The following WWOX variants were observed in gnomAD, a reference collection of about 807,000 sequenced individuals.
WWOX encodes the protein WW domain containing oxidoreductase, also known as WW domain-containing oxidoreductase.
A neutral mutation model predicts 46.2 loss-of-function variants in WWOX; 69 were observed. The ratio of observed to expected loss-of-function variants is 1.49; its 90% CI spans 1.23 to 1.82. The LOEUF is 1.82. Among genes scored for constraint, WWOX ranks in the 40% most tolerant of loss-of-function variants. WWOX has a pLI of 0.00. For synonymous variants in WWOX, 359 were observed against 202.6 expected (o/e 1.77, Z -6.56); for missense variants, 919 against 542.6 (o/e 1.69, Z -6.89).
intron 8 of WWOX, among the ~76,000 whole-genome samples, chr16:78,616,585 C>T (rs1190396389): frequency 6.6e-6 from 1 of 151,844 alleles, no homozygotes; most frequent in Non-Finnish European, 1.5e-5. Context: ...GCCTGGCTGA[C>T]ATGGTGAAAC....
chr16:78,812,498 G>A (rs2051215927), intron 8 of WWOX, among the ~76,000 whole-genome samples: 1 of 152,116 alleles, frequency 6.6e-6, no homozygotes, highest in African/African-American at 2.4e-5. Flanking sequence ...GAGGTGGACG[G>A]ATCACCTGAG....
Position 78,481,121 on chromosome 16 carries a change from A to G in WWOX, c.1056+48369A>G, listed in dbSNP as rs542749706. 1.2e-4 allele frequency among the ~76,000 whole-genome samples: 19 copies of G among 152,202 alleles called. 1 individual carries two copies. Among genetic ancestry groups the G allele is most frequent in the Non-Finnish European group, 2.4e-4 (16 of 68,028 alleles). On this transcript the variant is annotated intron_variant, in intron 8 of 8. Coordinates refer to ENST00000566780, the MANE Select transcript of WWOX (RefSeq NM_016373.4). Reference sequence around the variant, plus strand: ...TTGCATGCATTATTTTTAAAGATGAACATTGCTTTAACCTATACCATTCCT... The same window carrying G: ...TTGCATGCATTATTTTTAAAGATGAGCATTGCTTTAACCTATACCATTCCT...
chr16:79,102,979 C>T (rs542950383), intron 8 of WWOX, among the ~76,000 whole-genome samples: 4 of 149,778 alleles, frequency 2.7e-5, no homozygotes, highest in Non-Finnish European at 4.4e-5. Flanking sequence ...CCTCCTTTTC[C>T]TCCTCCTCTT....
intron 8 of WWOX, among the ~76,000 whole-genome samples, chr16:78,805,482 A>T (rs1342898562): frequency 1.3e-5 from 2 of 151,118 alleles, no homozygotes; most frequent in African/African-American, 4.9e-5. Flanking sequence ...TCAGGGTTTC[A>T]CAGTGTTATG....
intron 8 of WWOX, among the ~76,000 whole-genome samples, chr16:79,099,217 C>G (rs1028752321): frequency 1.3e-5 from 2 of 152,190 alleles, no homozygotes; most frequent in African/African-American, 2.4e-5. Flanking sequence ...ATGACCCAAA[C>G]ACCTCCCGGT....
intron 8 of WWOX, among the ~76,000 whole-genome samples, chr16:78,593,183 T>C (rs1281263215): frequency 6.6e-6 from 1 of 150,666 alleles, no homozygotes; most frequent in Non-Finnish European, 1.5e-5. Flanking sequence ...GTATCCTGAT[T>C]CTTTTGAGGA....
At chr16:78,868,368 G>T (rs1033864047) in intron 8 of WWOX, among the ~76,000 whole-genome samples, 1 of 152,040 alleles carries the variant, frequency 6.6e-6, no homozygotes, top group Non-Finnish European at 1.5e-5. Context: ...GTTGCCTGGG[G>T]CTGGGAGTGA....
chr16:79,040,325 A>G (rs962334833), intron 8 of WWOX, among the ~76,000 whole-genome samples: 14 of 140,186 alleles, frequency 1.0e-4, no homozygotes, highest in African/African-American at 3.5e-4. Flanking sequence ...CCCAGACTGG[A>G]GTGCGGTGGT....
chr16:78,652,938 G>A (rs1255723980), intron 8 of WWOX, among the ~76,000 whole-genome samples: 2 of 151,978 alleles, frequency 1.3e-5, no homozygotes, highest in African/African-American at 4.8e-5. Flanking sequence ...ATGAACTTTT[G>A]TTATTTGATT....
At chr16:78,727,912 T>A (rs1045478771) in intron 8 of WWOX, among the ~76,000 whole-genome samples, 4 of 152,124 alleles carry the variant, frequency 2.6e-5, no homozygotes, top group African/African-American at 9.7e-5. Flanking sequence ...AGCATTTGTT[T>A]ATCTGGGTCA....
chr16:79,189,090 C>G (rs1334943524), intron 8 of WWOX, among the ~76,000 whole-genome samples: 1 of 152,066 alleles, frequency 6.6e-6, no homozygotes, highest in East Asian at 1.9e-4. Flanking sequence ...TAGAGAAAGA[C>G]AAAAACTTGT....
chr16:78,680,221 G>A (rs1046219661), intron 8 of WWOX, among the ~76,000 whole-genome samples: 12 of 151,930 alleles, frequency 7.9e-5, no homozygotes, highest in African/African-American at 2.2e-4. Flanking sequence ...ACCAGCCTGA[G>A]CAGCATAACG....
intron 8 of WWOX, among the ~76,000 whole-genome samples, chr16:79,026,086 T>C (rs1490092730): frequency 6.6e-6 from 1 of 151,312 alleles, no homozygotes; most frequent in Non-Finnish European, 1.5e-5. Flanking sequence ...CAGGCATGAG[T>C]CCCCATGCCC....
chr16:78,446,638 G>C (rs549595866), intron 8 of WWOX, among the ~76,000 whole-genome samples: 2 of 146,046 alleles, frequency 1.4e-5, no homozygotes, highest in South Asian at 2.2e-4. Flanking sequence ...TGAACATCGA[G>C]TATAGTACCA....
intron 8 of WWOX, among the ~76,000 whole-genome samples, chr16:79,070,441 T>C (rs1289236404): frequency 6.6e-6 from 1 of 152,186 alleles, no homozygotes; most frequent in Non-Finnish European, 1.5e-5. Flanking sequence ...GATGCCCTTT[T>C]TCTTGATGGA....
chr16:78,187,855 T>C (rs1057203447), intron 5 of WWOX, among the ~76,000 whole-genome samples: 8 of 152,186 alleles, frequency 5.3e-5, no homozygotes, highest in Non-Finnish European at 7.3e-5. Flanking sequence ...TCTCACCCAA[T>C]TTTAAAGGAG....
At chr16:78,641,733 C>G (rs977832771) in intron 8 of WWOX, among the ~76,000 whole-genome samples, 1 of 152,158 alleles carries the variant, frequency 6.6e-6, no homozygotes, top group Non-Finnish European at 1.5e-5. Context: ...GTGATAGACC[C>G]TGAGTAGCAA....
At chr16:78,619,795 G>C (rs1232395277) in intron 8 of WWOX, among the ~76,000 whole-genome samples, 1 of 152,152 alleles carries the variant, frequency 6.6e-6, no homozygotes, top group Admixed American at 6.5e-5. Flanking sequence ...TGTGGTCCCA[G>C]CTACTCAGGA....
At chr16:78,848,706 C>T (rs941421067) in intron 8 of WWOX, among the ~76,000 whole-genome samples, 2 of 152,144 alleles carry the variant, frequency 1.3e-5, no homozygotes, top group East Asian at 3.9e-4. Flanking sequence ...AGTCTGCTCT[C>T]CTCCTACCAA....
Sources: allele counts gnomAD v4.1 joint callset (sites outside exome capture counted in the v4.1 genomes callset), GRCh38; gene constraint gnomAD v4.1.1; transcripts MANE v1.5; gene names NCBI Gene and HGNC (gene_info 2026-07-23, HGNC 2026-07-21).